Variants in LRRTM4 observed in about 807,000 individuals in gnomAD.
The protein encoded by LRRTM4 is leucine rich repeat transmembrane neuronal 4, also known as leucine-rich repeat transmembrane neuronal protein 4.
Under a neutral mutation model 47.6 loss-of-function variants are expected in LRRTM4, and 25 were observed. The observed-to-expected ratio is 0.53, with a 90% CI of 0.38 to 0.73. The LOEUF (loss-of-function observed/expected upper bound fraction) is 0.73. Ranked by LOEUF, LRRTM4 falls within the 30% of genes least tolerant of loss-of-function variation. The pLI, the probability that LRRTM4 is intolerant of heterozygous loss-of-function variation, is 0.00. For synonymous variants in LRRTM4, 311 were observed against 269.5 expected (o/e 1.15, Z -1.51); for missense variants, 638 against 713.4 (o/e 0.89, Z 1.20).
intron 3 of LRRTM4, among the ~76,000 whole-genome samples, chr2:77,396,136 CA>C (rs1673693174): frequency 6.6e-6 from 1 of 151,474 alleles, no homozygotes; most frequent in Non-Finnish European, 1.5e-5. Flanking sequence ...TTAAAACCAC[CA>C]AAAAGATTTG....
intron 3 of LRRTM4, among the ~76,000 whole-genome samples, chr2:76,979,356 T>C (rs1676518953): frequency 6.6e-6 from 1 of 151,904 alleles, no homozygotes; most frequent in South Asian, 2.1e-4. Flanking sequence ...AGGGGTAATT[T>C]AGGTTTTACA....
At chr2:76,935,387 G>T (rs1674910333) in intron 3 of LRRTM4, among the ~76,000 whole-genome samples, 1 of 152,140 alleles carries the variant, frequency 6.6e-6, no homozygotes, top group Non-Finnish European at 1.5e-5. Context: ...ATTCTGTGAA[G>T]AAAGTCAATG....
At chr2:77,449,314 G>T (rs925442286) in intron 3 of LRRTM4, among the ~76,000 whole-genome samples, 3 of 152,020 alleles carry the variant, frequency 2.0e-5, no homozygotes, top group Non-Finnish European at 4.4e-5. Context: ...AAGTTTGGCT[G>T]TTTCACTTAT....
chr2:76,940,270 A>G (rs1298082691), intron 3 of LRRTM4, among the ~76,000 whole-genome samples: 1 of 152,210 alleles, frequency 6.6e-6, no homozygotes, highest in Non-Finnish European at 1.5e-5. Flanking sequence ...ATGGATGAAG[A>G]AAATGTGGTA....
At chr2:76,875,265 T>C (rs1298308255) in intron 3 of LRRTM4, among the ~76,000 whole-genome samples, 2 of 152,254 alleles carry the variant, frequency 1.3e-5, no homozygotes, top group African/African-American at 4.8e-5. Flanking sequence ...AAAAGATGTG[T>C]CTGTTGTACT....
chr2:77,264,293 A>C (rs1316501558), intron 3 of LRRTM4, among the ~76,000 whole-genome samples: 1 of 152,040 alleles, frequency 6.6e-6, no homozygotes, highest in Non-Finnish European at 1.5e-5. Flanking sequence ...GTGCTTATGC[A>C]CTAAGAAAGC....
At chr2:77,064,889 C>A (rs1451111390) in intron 3 of LRRTM4, among the ~76,000 whole-genome samples, 1 of 152,130 alleles carries the variant, frequency 6.6e-6, no homozygotes, top group African/African-American at 2.4e-5. Flanking sequence ...CTTAACCTAC[C>A]CTTAGCAACC....
chr2:77,183,503 C>A (rs998571695), intron 3 of LRRTM4, among the ~76,000 whole-genome samples: 1 of 152,100 alleles, frequency 6.6e-6, no homozygotes, highest in Non-Finnish European at 1.5e-5. Context: ...CTAGTTCAAC[C>A]ATTGTGGAAG....
chr2:77,509,108 T>C (rs905956496), intron 3 of LRRTM4, among the ~76,000 whole-genome samples: 1 of 151,732 alleles, frequency 6.6e-6, no homozygotes, highest in African/African-American at 2.4e-5. Flanking sequence ...AGCACACACC[T>C]GTAATCCCAG....
intron 3 of LRRTM4, among the ~76,000 whole-genome samples, chr2:77,401,721 A>T (rs1673965674): frequency 6.6e-6 from 1 of 151,974 alleles, no homozygotes; most frequent in South Asian, 2.1e-4. Flanking sequence ...GTAAAAGGAA[A>T]ATCATCTTTC....
intron 3 of LRRTM4, among the ~76,000 whole-genome samples, chr2:77,322,908 C>T (rs1338689657): frequency 6.6e-6 from 1 of 151,248 alleles, no homozygotes. Context: ...ATGTCAGCAT[C>T]TGATAACTGT....
chr2:77,385,535 T>C (rs1673226645), intron 3 of LRRTM4, among the ~76,000 whole-genome samples: 1 of 152,114 alleles, frequency 6.6e-6, no homozygotes, highest in Non-Finnish European at 1.5e-5. Context: ...AGGTTTAAAA[T>C]AGTAGTTTTC....
intron 3 of LRRTM4, among the ~76,000 whole-genome samples, chr2:77,176,606 G>C (rs1418575711): frequency 6.6e-6 from 1 of 152,140 alleles, no homozygotes; most frequent in Non-Finnish European, 1.5e-5. Flanking sequence ...ATGGCGTGAG[G>C]AACAAACAAT....
At chr2:77,403,225 T>A (rs1674032245) in intron 3 of LRRTM4, among the ~76,000 whole-genome samples, 1 of 151,980 alleles carries the variant, frequency 6.6e-6, no homozygotes, top group African/African-American at 2.4e-5. Context: ...TACTGACTTT[T>A]TAATACCTAT....
intron 3 of LRRTM4, among the ~76,000 whole-genome samples, chr2:76,798,831 A>C (rs1573125929): frequency 6.6e-6 from 1 of 152,332 alleles, no homozygotes; most frequent in East Asian, 1.9e-4. Flanking sequence ...ACCTCTACGC[A>C]AATAAACTAG....
intron 3 of LRRTM4, among the ~76,000 whole-genome samples, chr2:76,932,427 T>C (rs1393899045): frequency 6.6e-6 from 1 of 152,016 alleles, no homozygotes; most frequent in Non-Finnish European, 1.5e-5. Context: ...GTACCTATAA[T>C]AAAGGCATTC....
intron 3 of LRRTM4, among the ~76,000 whole-genome samples, chr2:77,476,084 A>G (rs1573464990): frequency 6.6e-6 from 1 of 151,528 alleles, no homozygotes; most frequent in East Asian, 1.9e-4. Context: ...CTGATGCAGA[A>G]AAATTAGAAA....
chr2:76,790,225 A>G (rs1224028680), intron 3 of LRRTM4, among the ~76,000 whole-genome samples: 2 of 151,956 alleles, frequency 1.3e-5, no homozygotes, highest in African/African-American at 4.8e-5. Context: ...TAAAGTTCAA[A>G]CTAATAATGA....
intron 3 of LRRTM4, among the ~76,000 whole-genome samples, chr2:77,192,449 A>G (rs901070550): frequency 2.0e-5 from 3 of 152,162 alleles, no homozygotes; most frequent in East Asian, 1.9e-4. Context: ...ATGGCATACT[A>G]TCTAAAGAAA....
Sources: allele counts gnomAD v4.1 joint callset (sites outside exome capture counted in the v4.1 genomes callset), GRCh38; gene constraint gnomAD v4.1.1; transcripts MANE v1.5; gene names NCBI Gene and HGNC (gene_info 2026-07-23, HGNC 2026-07-21).